Variants in SHQ1 observed in about 807,000 individuals in gnomAD.
SHQ1 encodes SHQ1, H/ACA ribonucleoprotein assembly factor.
A neutral mutation model predicts 53.8 loss-of-function variants in SHQ1; 49 were observed. The ratio of observed to expected loss-of-function variants is 0.91; its 90% CI spans 0.72 to 1.16. The LOEUF (loss-of-function observed/expected upper bound fraction) is 1.16, where lower values mean the gene tolerates loss of function less well. Among genes scored for constraint, SHQ1 ranks in the 50% most tolerant of loss-of-function variants. SHQ1 has a pLI of 0.00. For missense variants in SHQ1, 738 were observed against 683.1 expected (o/e 1.08, Z -0.90); for synonymous variants, 243 against 251.0 (o/e 0.97, Z 0.30).
chr3:72,830,933 T>C (rs192670746), intron 5 of SHQ1, among the ~76,000 whole-genome samples: 9 of 152,310 alleles, frequency 5.9e-5, no homozygotes, highest in Non-Finnish European at 1.3e-4. Context: ...AGAGAGGAGA[T>C]AGGCAGTTCT....
chr3:72,846,209 G>C (rs1434043775), intron 1 of SHQ1: 19 of 1,535,334 alleles, frequency 1.2e-5, no homozygotes, highest in Non-Finnish European at 1.6e-5. Context: ...AATTATATTT[G>C]CTTACATGGG....
intron 10 of SHQ1, chr3:72,773,176 A>G (rs1705891317): frequency 1.4e-6 from 1 of 737,644 alleles, no homozygotes; most frequent in East Asian, 2.5e-5. Context: ...ATAAAAAACC[A>G]GTCCAGAGTT....
intron 9 of SHQ1, among the ~76,000 whole-genome samples, chr3:72,812,194 T>G (rs1018438437): frequency 1.6e-4 from 25 of 152,232 alleles, no homozygotes; most frequent in African/African-American, 5.8e-4. Context: ...CTAGGTTACA[T>G]GTCCCCTCCT....
intron 10 of SHQ1, among the ~76,000 whole-genome samples, chr3:72,778,024 T>A (rs915201456): frequency 6.6e-6 from 1 of 152,170 alleles, no homozygotes; most frequent in Non-Finnish European, 1.5e-5. Flanking sequence ...TTGAGATATA[T>A]GCACAAATGG....
At chr3:72,768,730 T>C (rs1225816014) in intron 10 of SHQ1, among the ~76,000 whole-genome samples, 1 of 152,220 alleles carries the variant, frequency 6.6e-6, no homozygotes, top group Non-Finnish European at 1.5e-5. Context: ...CAAACACAGA[T>C]TGTTCTCTGC....
intron 9 of SHQ1, among the ~76,000 whole-genome samples, chr3:72,801,617 G>C (rs1287165762): frequency 6.6e-6 from 1 of 152,128 alleles, no homozygotes; most frequent in Admixed American, 6.6e-5. Context: ...GGTAAAAAAG[G>C]AGAAAAACCA....
At chr3:72,768,751 G>A (rs1296306662) in intron 10 of SHQ1, among the ~76,000 whole-genome samples, 1 of 152,190 alleles carries the variant, frequency 6.6e-6, no homozygotes, top group South Asian at 2.1e-4. Flanking sequence ...TTTATAAGCA[G>A]CCTATTTGCT....
intron 10 of SHQ1, among the ~76,000 whole-genome samples, chr3:72,754,164 T>A (rs1206917585): frequency 6.6e-6 from 1 of 152,166 alleles, no homozygotes; most frequent in Non-Finnish European, 1.5e-5. Flanking sequence ...ACTTGCTCCA[T>A]TAACCACCTT....
At chr3:72,815,112 T>C (rs1707269856) in intron 8 of SHQ1, among the ~76,000 whole-genome samples, 2 of 152,012 alleles carry the variant, frequency 1.3e-5, no homozygotes, top group African/African-American at 4.8e-5. Context: ...CCACATTCTT[T>C]CCCAACAAAC....
chr3:72,794,688 C>A (rs1706549136), intron 9 of SHQ1: 1 of 152,244 alleles, frequency 6.6e-6, no homozygotes, highest in African/African-American at 2.4e-5. Context: ...GGAGTCTCTT[C>A]CCTGCATATG....
intron 8 of SHQ1, among the ~76,000 whole-genome samples, chr3:72,813,326 G>A (rs1316578176): frequency 6.6e-6 from 1 of 151,706 alleles, no homozygotes; most frequent in Non-Finnish European, 1.5e-5. Context: ...AATTAGCCAG[G>A]TGTGGTGACA....
At chr3:72,846,245 T>G (rs969208250) in intron 1 of SHQ1, 27 of 1,535,670 alleles carry the variant, frequency 1.8e-5, no homozygotes, top group Non-Finnish European at 2.3e-5. Flanking sequence ...GTCTCCATTC[T>G]TCAAGGAGAG....
At chr3:72,781,912 T>C (rs749461533) in intron 10 of SHQ1, among the ~76,000 whole-genome samples, 16 of 152,300 alleles carry the variant, frequency 1.1e-4, no homozygotes, top group Non-Finnish European at 2.2e-4. Context: ...ACAGTTTTCC[T>C]ATACCCCAAA....
intron 2 of SHQ1, among the ~76,000 whole-genome samples, chr3:72,842,843 A>G (rs527655044): frequency 6.6e-6 from 1 of 151,840 alleles, no homozygotes; most frequent in East Asian, 2.0e-4. Flanking sequence ...CGGGAGGCCG[A>G]GGCAGGCGGA....
intron 10 of SHQ1, among the ~76,000 whole-genome samples, chr3:72,764,671 TC>T (rs1432079617): frequency 1.3e-5 from 2 of 152,198 alleles, no homozygotes; most frequent in African/African-American, 4.8e-5. Context: ...AGCAGCAGCA[TC>T]ATCTTGGAAC....
intron 10 of SHQ1, among the ~76,000 whole-genome samples, chr3:72,777,516 T>C (rs568829833): frequency 6.6e-6 from 1 of 152,204 alleles, no homozygotes; most frequent in Non-Finnish European, 1.5e-5. Flanking sequence ...CCCCTTCAGA[T>C]TGTCAAATCG....
At chr3:72,845,603 C>G (rs1270572375) in intron 1 of SHQ1, among the ~76,000 whole-genome samples, 2 of 152,168 alleles carry the variant, frequency 1.3e-5, no homozygotes, top group Non-Finnish European at 2.9e-5. Context: ...ATCTAATTGT[C>G]ACTTTTCTAT....
intron 10 of SHQ1, among the ~76,000 whole-genome samples, chr3:72,778,814 C>A (rs1386002994): frequency 6.6e-6 from 1 of 152,122 alleles, no homozygotes; most frequent in Non-Finnish European, 1.5e-5. Flanking sequence ...AGAAAAGATT[C>A]CTCTAACAAA....
intron 10 of SHQ1, among the ~76,000 whole-genome samples, chr3:72,777,449 A>G (rs1479428123): frequency 6.6e-6 from 1 of 152,260 alleles, no homozygotes; most frequent in Non-Finnish European, 1.5e-5. Context: ...AAAGATGCTC[A>G]GCTTCACTAG....
Sources: allele counts gnomAD v4.1 joint callset (sites outside exome capture counted in the v4.1 genomes callset), GRCh38; gene constraint gnomAD v4.1.1; transcripts MANE v1.5; gene names NCBI Gene and HGNC (gene_info 2026-07-23, HGNC 2026-07-21).